The following GFRAL variants were observed in gnomAD, a reference collection of about 807,000 sequenced individuals.
The protein encoded by GFRAL is GDNF family receptor alpha like.
Under a neutral mutation model 45.4 loss-of-function variants are expected in GFRAL, and 36 were observed. That is an observed-to-expected ratio of 0.79 (90% CI 0.61 to 1.05). The LOEUF is 1.05. GFRAL is among the 50% of genes least tolerant of loss of function. The pLI is 0.00. For synonymous variants in GFRAL, 166 were observed against 154.1 expected (o/e 1.08, Z -0.57); for missense variants, 507 against 467.5 (o/e 1.08, Z -0.78).
intron 5 of GFRAL, among the ~76,000 whole-genome samples, chr6:55,352,270 T>TAATC (rs201983698): frequency 0.013 from 2,017 of 152,172 alleles, 25 homozygotes; most frequent in Non-Finnish European, 0.022. Context: ...ATAATATACT[T>TAATC]AATATATAAG....
chr6:55,370,558 G>A (rs1172971743), intron 6 of GFRAL, among the ~76,000 whole-genome samples: 1 of 152,162 alleles, frequency 6.6e-6, no homozygotes, highest in Non-Finnish European at 1.5e-5. Context: ...AGTGTAGCTT[G>A]ATCATCTTAG....
chr6:55,395,194 A>ATATATATATAT (rs1768808613), intron 6 of GFRAL, among the ~76,000 whole-genome samples: 2 of 147,738 alleles, frequency 1.4e-5, no homozygotes, highest in African/African-American at 2.5e-5. Context: ...ATATATATAT[A>ATATATATATAT]AGCCAGCTAG....
chr6:55,339,642 T>C (rs576356591), intron 3 of GFRAL, among the ~76,000 whole-genome samples: 6 of 152,144 alleles, frequency 3.9e-5, no homozygotes, highest in African/African-American at 7.2e-5. Context: ...ATGAAGAAAA[T>C]TGTCAAAATT....
intron 6 of GFRAL, among the ~76,000 whole-genome samples, chr6:55,397,150 T>C (rs1412931566): frequency 6.6e-6 from 1 of 152,180 alleles, no homozygotes; most frequent in South Asian, 2.1e-4. Context: ...GTGCTGGTTT[T>C]ACAGGCATCA....
At chr6:55,338,707 G>T (rs184935549) in intron 3 of GFRAL, among the ~76,000 whole-genome samples, 2 of 152,056 alleles carry the variant, frequency 1.3e-5, no homozygotes, top group African/African-American at 4.8e-5. Context: ...AAAACAAAAT[G>T]GATAATTTAA....
At position 55,401,910 on chromosome 6, in the gene GFRAL, C is replaced by CTCTTT. The variant is rs1768904202; in HGVS notation, c.*62_*66dup. On this transcript the variant is annotated 3_prime_UTR_variant, in exon 9 of 9. Transcript: ENST00000340465. ...CTCTTTTCTCTGCTTTTCTTCTTTC[C>CTCTTT]TCTTTTCTTCTCTCCTCTCCTCTCC... is the stretch of plus-strand genomic sequence containing the variant. The CTCTTT allele has an allele frequency of 1.3e-5, 12 of 900,776 alleles. 1 individual carries two copies. In the South Asian group the frequency reaches 1.7e-4, roughly 12 times the overall value. The allele number at this position is 900,776 out of a possible 1,614,324, so 55.8% of individuals were successfully genotyped here.
chr6:55,360,405 T>C (rs1452817632), intron 6 of GFRAL, among the ~76,000 whole-genome samples: 3 of 152,048 alleles, frequency 2.0e-5, no homozygotes, highest in Non-Finnish European at 2.9e-5. Context: ...CATCTATATC[T>C]ATATCTATAT....
At chr6:55,359,423 A>G (rs1484715571) in intron 6 of GFRAL, among the ~76,000 whole-genome samples, 1 of 152,074 alleles carries the variant, frequency 6.6e-6, no homozygotes, top group Non-Finnish European at 1.5e-5. Context: ...TCTATCAGAT[A>G]AATGGATATA....
chr6:55,383,828 A>ATTGC (rs1768645590), intron 6 of GFRAL, among the ~76,000 whole-genome samples: 1 of 151,998 alleles, frequency 6.6e-6, no homozygotes. Context: ...TGATGCTGAA[A>ATTGC]TTGCTTGTCC....
intron 5 of GFRAL, among the ~76,000 whole-genome samples, chr6:55,357,830 A>G (rs538662304): frequency 6.6e-6 from 1 of 151,888 alleles, no homozygotes; most frequent in African/African-American, 2.4e-5. Flanking sequence ...TAAACTTAGT[A>G]AAACATATTT....
chr6:55,331,645 A>G, intron 1 of GFRAL, 70 bp from the exon 2 acceptor site: 2 of 1,418,224 alleles, frequency 1.4e-6, no homozygotes, highest in Non-Finnish European at 1.9e-6. Context: ...TTTATCATTA[A>G]TAACTTAGAT....
chr6:55,361,290 G>A (rs1022830467), intron 6 of GFRAL, among the ~76,000 whole-genome samples: 28 of 151,866 alleles, frequency 1.8e-4, no homozygotes, highest in African/African-American at 6.0e-4. Flanking sequence ...GGTATCCATG[G>A]GGAATTGGTT....
intron 1 of GFRAL, among the ~76,000 whole-genome samples, chr6:55,329,640 G>C (rs1767805970): frequency 6.6e-6 from 1 of 151,922 alleles, no homozygotes; most frequent in African/African-American, 2.4e-5. Context: ...GGAGTACAAG[G>C]GCTTGGCTAG....
chr6:55,354,501 T>G (rs1254359081), intron 5 of GFRAL, among the ~76,000 whole-genome samples: 1 of 152,068 alleles, frequency 6.6e-6, no homozygotes, highest in African/African-American at 2.4e-5. Context: ...GTGTAAGGAC[T>G]GTGTGTCTTC....
At chr6:55,364,007 C>G (rs1454582320) in intron 6 of GFRAL, among the ~76,000 whole-genome samples, 1 of 145,020 alleles carries the variant, frequency 6.9e-6, no homozygotes, top group Non-Finnish European at 1.5e-5. Context: ...CCTGAGGAAT[C>G]GCCACACTGA....
chr6:55,370,568 G>A (rs1305922328), intron 6 of GFRAL, among the ~76,000 whole-genome samples: 1 of 152,116 alleles, frequency 6.6e-6, no homozygotes, highest in Admixed American at 6.5e-5. Context: ...GATCATCTTA[G>A]TACATTTTTC....
intron 6 of GFRAL, among the ~76,000 whole-genome samples, chr6:55,385,765 G>T (rs1184615563): frequency 6.6e-6 from 1 of 152,084 alleles, no homozygotes; most frequent in East Asian, 1.9e-4. Flanking sequence ...GCAATTTGTT[G>T]CAATATAAAG....
At chr6:55,353,123 G>A (rs1768141093) in intron 5 of GFRAL, among the ~76,000 whole-genome samples, 1 of 151,952 alleles carries the variant, frequency 6.6e-6, no homozygotes, top group African/African-American at 2.4e-5. Context: ...AGATAAGAGA[G>A]TTAATTGAGT....
At chr6:55,380,334 A>G (rs931659268) in intron 6 of GFRAL, among the ~76,000 whole-genome samples, 2 of 152,120 alleles carry the variant, frequency 1.3e-5, no homozygotes, top group South Asian at 2.1e-4. Context: ...ATGAAGAAAC[A>G]TGGTCACAAA....
Sources: gnomAD v4.1 joint callset for allele counts (sites outside exome capture counted in the v4.1 genomes callset) on GRCh38, gnomAD v4.1.1 for gene constraint, MANE v1.5 for transcripts, NCBI Gene and HGNC (gene_info 2026-07-23, HGNC 2026-07-21) for gene names.